Variants in SRD5A1 observed in about 807,000 individuals in gnomAD.
The protein encoded by SRD5A1 is 3-oxo-5-alpha-steroid 4-dehydrogenase 1.
A neutral mutation model predicts 28.2 loss-of-function variants in SRD5A1; 22 were observed. That is an observed-to-expected ratio of 0.78 (90% CI 0.56 to 1.12). SRD5A1 has a LOEUF of 1.12. Among genes scored for constraint, SRD5A1 ranks in the 50% most tolerant of loss-of-function variants. The pLI is 0.00. For missense variants in SRD5A1, 300 were observed against 346.7 expected (o/e 0.87, Z 1.07); for synonymous variants, 151 against 135.0 (o/e 1.12, Z -0.82).
chr5:6,652,049 T>C, intron 2 of SRD5A1, 41 bp downstream of exon 2: 1 of 1,571,846 alleles, frequency 6.4e-7, no homozygotes, highest in South Asian at 1.2e-5. Context: ...GTTCACATCA[T>C]TGCTTTTATA....
At chr5:6,642,898 G>T (rs1738405877) in intron 1 of SRD5A1, among the ~76,000 whole-genome samples, 1 of 152,230 alleles carries the variant, frequency 6.6e-6, no homozygotes, top group Non-Finnish European at 1.5e-5. Flanking sequence ...TGATAGTTGA[G>T]TCCATGAGAG....
At chr5:6,659,894 C>A (rs371152690) in intron 3 of SRD5A1, among the ~76,000 whole-genome samples, 1 of 152,186 alleles carries the variant, frequency 6.6e-6, no homozygotes, top group East Asian at 1.9e-4. Flanking sequence ...CAGCTCCCTT[C>A]GCTGCAGACT....
chr5:6,639,956 A>T (rs1738312587), intron 1 of SRD5A1, among the ~76,000 whole-genome samples: 1 of 152,250 alleles, frequency 6.6e-6, no homozygotes, highest in African/African-American at 2.4e-5. Flanking sequence ...TAAGCAGTAG[A>T]GATACACACA....
At chr5:6,653,867 T>C (rs1046674122) in intron 2 of SRD5A1, among the ~76,000 whole-genome samples, 1 of 152,102 alleles carries the variant, frequency 6.6e-6, no homozygotes, top group Non-Finnish European at 1.5e-5. Flanking sequence ...ACCTCTTGAC[T>C]TCTCTACAAT....
intron 4 of SRD5A1, among the ~76,000 whole-genome samples, chr5:6,667,919 A>G (rs1739236181): frequency 6.6e-6 from 1 of 152,220 alleles, no homozygotes; most frequent in Non-Finnish European, 1.5e-5. Flanking sequence ...ACAGCTCCGC[A>G]ATGTGCTGAT....
chr5:6,641,908 A>T (rs577625615), intron 1 of SRD5A1, among the ~76,000 whole-genome samples: 2 of 152,366 alleles, frequency 1.3e-5, no homozygotes, highest in South Asian at 4.1e-4. Context: ...TGTCAAGTTG[A>T]TGTCTCCAAA....
chr5:6,639,806 A>G (rs1738308096), intron 1 of SRD5A1, among the ~76,000 whole-genome samples: 2 of 152,254 alleles, frequency 1.3e-5, no homozygotes, highest in South Asian at 4.1e-4. Context: ...GGTGAAATAC[A>G]TGCTTGTTGT....
chr5:6,664,010 G>T (rs1322162012), intron 4 of SRD5A1, among the ~76,000 whole-genome samples: 1 of 152,202 alleles, frequency 6.6e-6, no homozygotes, highest in African/African-American at 2.4e-5. Context: ...GACGGGAAGA[G>T]ATCTCAGGAG....
intron 1 of SRD5A1, among the ~76,000 whole-genome samples, chr5:6,635,007 A>G (rs1389541861): frequency 6.6e-6 from 1 of 152,198 alleles, no homozygotes; most frequent in Non-Finnish European, 1.5e-5. Context: ...TTGGGGTCCC[A>G]CCTTAAAACA....
At chr5:6,662,718 T>C in intron 3 of SRD5A1, 98 bp from the exon 4 acceptor site, 1 of 1,358,404 alleles carries the variant, frequency 7.4e-7, no homozygotes, top group South Asian at 1.3e-5. Context: ...TTTTCCGTTC[T>C]TGAATTTATG....
chr5:6,642,772 C>T (rs960157614), intron 1 of SRD5A1, among the ~76,000 whole-genome samples: 1 of 152,184 alleles, frequency 6.6e-6, no homozygotes, highest in Non-Finnish European at 1.5e-5. Flanking sequence ...AAGTTTCAGT[C>T]TCAGCTCTGA....
chr5:6,660,418 G>C (rs1300166561), intron 3 of SRD5A1, among the ~76,000 whole-genome samples: 21 of 152,344 alleles, frequency 1.4e-4, no homozygotes, highest in Non-Finnish European at 1.5e-5. Context: ...TGGGTGACTG[G>C]CATCTGCAGG....
intron 1 of SRD5A1, among the ~76,000 whole-genome samples, chr5:6,650,989 G>T (rs1738655256): frequency 6.6e-6 from 1 of 151,976 alleles, no homozygotes; most frequent in African/African-American, 2.4e-5. Context: ...CTAGCTTGTG[G>T]CCTTGAGCAA....
intron 1 of SRD5A1, among the ~76,000 whole-genome samples, chr5:6,650,043 A>G (rs999281255): frequency 1.3e-5 from 2 of 152,176 alleles, no homozygotes; most frequent in East Asian, 1.9e-4. Flanking sequence ...CATTGGTAAC[A>G]GTGCTATTCA....
rs1739290967 is a variant in SRD5A1, at chr5:6,669,234, T to A, written c.*966T>A. On this transcript the variant is annotated 3_prime_UTR_variant, in exon 5 of 5. Transcript: ENST00000274192. The stretch of plus-strand genomic sequence containing the variant: ...AAGATTTATCCTGTTTGTTCTTTGT[T>A]GATTGAAACATAATAATTGTTAAAA... 1 of 152,254 alleles carries A rather than the reference T, an allele frequency of 6.6e-6. No individual in the cohort carries two copies. Among genetic ancestry groups the A allele is most frequent in the Non-Finnish European group, 1.5e-5 (1 of 68,040 alleles). 9.4% of individuals were successfully genotyped at this position (152,254 alleles called of 1,614,324 possible).
intron 4 of SRD5A1, among the ~76,000 whole-genome samples, chr5:6,667,591 A>G (rs986786178): frequency 6.6e-6 from 1 of 152,224 alleles, no homozygotes; most frequent in Non-Finnish European, 1.5e-5. Context: ...CCAACTGGCT[A>G]TTATCCCCAA....
chr5:6,650,339 A>C (rs2126536816), intron 1 of SRD5A1, among the ~76,000 whole-genome samples: 1 of 151,142 alleles, frequency 6.6e-6, no homozygotes, highest in Non-Finnish European at 1.5e-5. Flanking sequence ...TGAGCCTAGG[A>C]TGTTGAGGCT....
chr5:6,658,303 C>T (rs941852591), intron 3 of SRD5A1, among the ~76,000 whole-genome samples: 1 of 151,886 alleles, frequency 6.6e-6, no homozygotes, highest in East Asian at 1.9e-4. Flanking sequence ...CCAGCCTGGA[C>T]GACAGAGTGA....
chr5:6,642,721 C>T (rs559232945), intron 1 of SRD5A1, among the ~76,000 whole-genome samples: 60 of 152,318 alleles, frequency 3.9e-4, no homozygotes, highest in African/African-American at 1.4e-3. Context: ...TTAAGCCCTT[C>T]AGAACTCAAT....
Sources: allele counts gnomAD v4.1 joint callset (sites outside exome capture counted in the v4.1 genomes callset), GRCh38; gene constraint gnomAD v4.1.1; transcripts MANE v1.5; gene names NCBI Gene and HGNC (gene_info 2026-07-23, HGNC 2026-07-21).